BCAS3: variants seen among roughly 807,000 people sequenced by gnomAD.
BCAS3 encodes the protein BCAS4/BCAS3 fusion.
A neutral mutation model predicts 116.1 loss-of-function variants in BCAS3; 53 were observed. The observed-to-expected ratio is 0.46, with a 90% CI of 0.37 to 0.57. The LOEUF (loss-of-function observed/expected upper bound fraction) is 0.57. BCAS3 is among the 20% of genes least tolerant of loss of function. The pLI, the probability that BCAS3 is intolerant of heterozygous loss-of-function variation, is 0.00. For missense variants in BCAS3, 917 were observed against 1,165.4 expected, an observed-to-expected ratio of 0.79 and a Z score of 3.10; for synonymous variants, 391 against 408.2, an observed-to-expected ratio of 0.96 and a Z score of 0.51.
At chr17:61,044,717 A>AATT (rs1358867635) in intron 19 of BCAS3, among the ~76,000 whole-genome samples, 1 of 151,824 alleles carries the variant, frequency 6.6e-6, no homozygotes, top group African/African-American at 2.4e-5. Flanking sequence ...TGTAGATATC[A>AATT]ATTATTATAC....
intron 10 of BCAS3, among the ~76,000 whole-genome samples, chr17:60,894,748 C>T (rs556058640): frequency 6.6e-6 from 1 of 151,988 alleles, no homozygotes; most frequent in Non-Finnish European, 1.5e-5. Flanking sequence ...CCTTCTATGC[C>T]TAGTTTGTTA....
intron 23 of BCAS3, among the ~76,000 whole-genome samples, chr17:61,371,454 G>A (rs902003593): frequency 1.3e-5 from 2 of 152,180 alleles, no homozygotes; most frequent in Non-Finnish European, 1.5e-5. Flanking sequence ...GATAGCTTTG[G>A]TCAAAGGATA....
intron 22 of BCAS3, among the ~76,000 whole-genome samples, chr17:61,111,032 G>C (rs1289565782): frequency 6.6e-6 from 1 of 151,580 alleles, no homozygotes; most frequent in Non-Finnish European, 1.5e-5. Context: ...GGTCCTGTCT[G>C]TTAGAAGGAA....
chr17:60,715,210 T>C (rs933376887), intron 5 of BCAS3, among the ~76,000 whole-genome samples: 3 of 149,794 alleles, frequency 2.0e-5, no homozygotes, highest in African/African-American at 4.9e-5. Flanking sequence ...CCTGGCTCAC[T>C]GCAGCCTCCA....
chr17:60,772,507 G>A (rs925997466), intron 6 of BCAS3, among the ~76,000 whole-genome samples: 1 of 152,192 alleles, frequency 6.6e-6, no homozygotes, highest in African/African-American at 2.4e-5. Context: ...TCTGTAGGTT[G>A]CCTGTTGACT....
rs1173931360 is a variant in BCAS3, at chr17:61,139,276, A to AT, written c.2425+54721dup. Among the ~76,000 whole-genome samples the AT allele has an allele frequency of 5.3e-5, 8 of 151,764 alleles. No individual in the cohort carries two copies. Among genetic ancestry groups the AT allele is most frequent in the African/African-American group, 1.2e-4 (5 of 41,282 alleles). On this transcript the variant is annotated intron_variant, in intron 22 of 23. Coordinates refer to ENST00000407086, the MANE Select transcript of BCAS3 (RefSeq NM_017679.5). This position sits in a 1 kb window ranked among gnomAD's most constrained non-coding sequence, Gnocchi z 4.7. ...GAGGACTTAAAAAGAAAGTGTGAAG[A>AT]TTTTTTTTTCTTCATTTCCTGATTT... is the stretch of plus-strand genomic sequence containing the variant.
intron 7 of BCAS3, among the ~76,000 whole-genome samples, 173 bp downstream of exon 7, chr17:60,808,249 TGCTATA>T (rs1452321144): frequency 6.6e-6 from 1 of 152,248 alleles, no homozygotes; most frequent in Non-Finnish European, 1.5e-5. Context: ...CATTTATTGA[TGCTATA>T]GCATGTGCCT....
intron 14 of BCAS3, among the ~76,000 whole-genome samples, chr17:60,955,386 A>ATTTTTTTTTTTTTT (rs1016334366): frequency 0.015 from 1,915 of 127,816 alleles, 243 homozygotes; most frequent in African/African-American, 0.065. Flanking sequence ...GGGAAACTGA[A>ATTTTTTTTTTTTTT]TTTTTTTTTT....
intron 22 of BCAS3, among the ~76,000 whole-genome samples, chr17:61,114,274 A>C (rs1208320596): frequency 6.9e-6 from 1 of 145,566 alleles, no homozygotes; most frequent in Non-Finnish European, 1.5e-5. Flanking sequence ...AAGGGTATCC[A>C]ATTAGGAAAA....
intron 6 of BCAS3, among the ~76,000 whole-genome samples, chr17:60,781,734 TA>T (rs2045852752): frequency 6.6e-6 from 1 of 152,216 alleles, no homozygotes; most frequent in African/African-American, 2.4e-5. Flanking sequence ...GACATTTTTA[TA>T]AAAATGAATT....
chr17:60,713,401 T>C (rs1414185599), intron 5 of BCAS3, among the ~76,000 whole-genome samples: 1 of 152,182 alleles, frequency 6.6e-6, no homozygotes, highest in African/African-American at 2.4e-5. Flanking sequence ...TGCTAGACAG[T>C]GGGGAGCCTA....
chr17:60,750,884 A>G (rs1598444934), intron 6 of BCAS3, among the ~76,000 whole-genome samples: 1 of 152,188 alleles, frequency 6.6e-6, no homozygotes, highest in Non-Finnish European at 1.5e-5. Flanking sequence ...GCATGCTCCC[A>G]TAGGACTTAA....
chr17:60,718,497 C>T (rs1277836245), intron 5 of BCAS3, among the ~76,000 whole-genome samples: 2 of 152,120 alleles, frequency 1.3e-5, no homozygotes, highest in African/African-American at 4.8e-5. Flanking sequence ...GGCAGTGATG[C>T]TATCTTTGCT....
intron 5 of BCAS3, among the ~76,000 whole-genome samples, chr17:60,735,833 T>C (rs1052194371): frequency 2.0e-5 from 3 of 149,932 alleles, no homozygotes; most frequent in Non-Finnish European, 4.4e-5. Context: ...TTCTTTTTTT[T>C]CATAAATAGG....
intron 4 of BCAS3, among the ~76,000 whole-genome samples, chr17:60,707,086 G>T (rs1012175009): frequency 5.3e-5 from 8 of 151,790 alleles, no homozygotes; most frequent in African/African-American, 1.7e-4. Flanking sequence ...CTGCCTCCTG[G>T]GTTCAAGCCA....
intron 13 of BCAS3, among the ~76,000 whole-genome samples, chr17:60,927,817 C>T (rs2059441199): frequency 6.6e-6 from 1 of 151,964 alleles, no homozygotes; most frequent in Non-Finnish European, 1.5e-5. Context: ...ATATAATTCT[C>T]TAAATATTGC....
chr17:61,036,705 C>T (rs1248556503), intron 17 of BCAS3, among the ~76,000 whole-genome samples: 2 of 152,048 alleles, frequency 1.3e-5, no homozygotes, highest in Non-Finnish European at 2.9e-5. Flanking sequence ...TACTGTAAAA[C>T]CGGAGAGAGA....
At chr17:61,016,832 C>T (rs1365209977) in intron 16 of BCAS3, 2 of 152,086 alleles carry the variant, frequency 1.3e-5, no homozygotes, top group East Asian at 3.8e-4. Context: ...TTGTTGTGCT[C>T]AGTATTAATG....
Position 60,894,435 on chromosome 17 carries a change from C to T in BCAS3, c.738+4664C>T, listed in dbSNP as rs868235728. The stretch of plus-strand genomic sequence containing the variant: ...TTATATCCTGCAACTTTACTGAATC[C>T]GTTTACCAAATCTAAGATTTTGTGC... On this transcript the variant is annotated intron_variant, in intron 10 of 23. Coordinates refer to ENST00000407086, the MANE Select transcript of BCAS3 (RefSeq NM_017679.5). 5.9e-5 allele frequency among the ~76,000 whole-genome samples: 9 copies of T among 152,002 alleles called. No individual in the cohort carries two copies. The South Asian group carries it at 8.3e-4, about 14-fold the overall frequency.
Sources: allele counts gnomAD v4.1 joint callset (sites outside exome capture counted in the v4.1 genomes callset), GRCh38; gene constraint gnomAD v4.1.1; non-coding constraint Gnocchi (gnomAD v3.1); transcripts MANE v1.5; gene names NCBI Gene and HGNC (gene_info 2026-07-23, HGNC 2026-07-21).